The following KCND2 variants were observed in gnomAD, a reference collection of about 807,000 sequenced individuals.
KCND2 encodes the protein A-type voltage-gated potassium channel KCND2.
Under a neutral mutation model 54.4 loss-of-function variants are expected in KCND2, and 16 were observed. The ratio of observed to expected loss-of-function variants is 0.29; its 90% CI spans 0.20 to 0.45. The LOEUF (loss-of-function observed/expected upper bound fraction) is 0.45, where lower values mean the gene tolerates loss of function less well. KCND2 is among the 20% of genes least tolerant of loss of function. KCND2 has a pLI of 1.00. For missense variants in KCND2, 486 were observed against 824.2 expected (o/e 0.59, Z 5.02); for synonymous variants, 317 against 310.7 (o/e 1.02, Z -0.21).
intron 2 of KCND2, among the ~76,000 whole-genome samples, chr7:120,738,067 C>A (rs765485047): frequency 6.6e-6 from 1 of 151,894 alleles, no homozygotes; most frequent in Non-Finnish European, 1.5e-5. Context: ...TGTCACTTGG[C>A]GTAATTAAAA....
At chr7:120,468,206 C>T (rs1802406751) in intron 1 of KCND2, among the ~76,000 whole-genome samples, 1 of 152,004 alleles carries the variant, frequency 6.6e-6, no homozygotes, top group Admixed American at 6.6e-5. Context: ...AGACTTTTCT[C>T]TTTGTTTTCC....
chr7:120,699,264 AGAGT>A lies in KCND2; in HGVS notation c.1116-33635_1116-33632del, dbSNP rs1792370930. ...GCCACTGCACTCCAGCCTGGGCAAC[AGAGT>A]GAGACTCCATCTCAAAAAAAAAAAA... On this transcript the variant is annotated intron_variant, in intron 1 of 5. Coordinates refer to ENST00000331113, the MANE Select transcript of KCND2 (RefSeq NM_012281.3). Among the ~76,000 whole-genome samples, 3 of 150,814 alleles carry A rather than the reference AGAGT, an allele frequency of 2.0e-5. No homozygotes were observed. In the South Asian group the frequency reaches 6.3e-4, roughly 32 times the overall value.
At chr7:120,672,519 C>T (rs145458333) in intron 1 of KCND2, among the ~76,000 whole-genome samples, 2 of 152,182 alleles carry the variant, frequency 1.3e-5, no homozygotes, top group African/African-American at 4.8e-5. Context: ...AAGTAGATAG[C>T]TCTGTTAAGT....
chr7:120,737,064 A>T (rs1792880501), intron 2 of KCND2, among the ~76,000 whole-genome samples: 1 of 144,018 alleles, frequency 6.9e-6, no homozygotes, highest in Non-Finnish European at 1.5e-5. Context: ...ACACACACAC[A>T]CACACACACA....
chr7:120,540,571 T>A (rs973998391), intron 1 of KCND2, among the ~76,000 whole-genome samples: 1 of 152,188 alleles, frequency 6.6e-6, no homozygotes, highest in African/African-American at 2.4e-5. Flanking sequence ...GACATTTGAA[T>A]GATGCCAAAA....
chr7:120,437,803 A>G (rs957073840), intron 1 of KCND2, among the ~76,000 whole-genome samples: 3 of 152,254 alleles, frequency 2.0e-5, no homozygotes, highest in African/African-American at 7.2e-5. Context: ...AAACATCAGC[A>G]TCACAACAGA....
intron 1 of KCND2, among the ~76,000 whole-genome samples, chr7:120,585,509 G>T (rs1792585846): frequency 6.6e-6 from 1 of 152,114 alleles, no homozygotes; most frequent in Non-Finnish European, 1.5e-5. Flanking sequence ...TATGGTGCTT[G>T]GACATAGTAG....
chr7:120,487,261 A>T (rs2116292126), intron 1 of KCND2, among the ~76,000 whole-genome samples: 1 of 152,332 alleles, frequency 6.6e-6, no homozygotes, highest in African/African-American at 2.4e-5. Context: ...GGATACCCTT[A>T]ATATTAGGAC....
chr7:120,730,832 A>G (rs1192354358), intron 1 of KCND2, among the ~76,000 whole-genome samples: 1 of 152,146 alleles, frequency 6.6e-6, no homozygotes, highest in Non-Finnish European at 1.5e-5. Flanking sequence ...TGACACACAT[A>G]TGTTTTCCCA....
chr7:120,278,777 CT>C (rs1231494197), intron 1 of KCND2, among the ~76,000 whole-genome samples: 2 of 151,446 alleles, frequency 1.3e-5, no homozygotes, highest in East Asian at 3.9e-4. Context: ...AAAATGAACG[CT>C]TTAAAAATAG....
chr7:120,577,795 C>T (rs907611170), intron 1 of KCND2, among the ~76,000 whole-genome samples: 2 of 152,196 alleles, frequency 1.3e-5, no homozygotes, highest in Admixed American at 1.3e-4. Context: ...CCGTGTTAGC[C>T]AGGATGGTCT....
At chr7:120,674,196 G>A (rs1348965417) in intron 1 of KCND2, among the ~76,000 whole-genome samples, 3 of 151,982 alleles carry the variant, frequency 2.0e-5, no homozygotes, top group African/African-American at 4.8e-5. Flanking sequence ...GAGCCACTAC[G>A]CCCAGCCACC....
chr7:120,424,818 GT>G (rs974732811), intron 1 of KCND2, among the ~76,000 whole-genome samples: 1 of 152,166 alleles, frequency 6.6e-6, no homozygotes, highest in African/African-American at 2.4e-5. Context: ...GTGAAGTCAA[GT>G]TTAGTCTACC....
intron 1 of KCND2, among the ~76,000 whole-genome samples, chr7:120,494,609 T>A (rs1281406137): frequency 6.6e-6 from 1 of 152,152 alleles, no homozygotes; most frequent in Non-Finnish European, 1.5e-5. Context: ...CTTTAAACAA[T>A]TCTAAAAATA....
chr7:120,739,076 G>A (rs963232122), intron 2 of KCND2, among the ~76,000 whole-genome samples: 17 of 152,186 alleles, frequency 1.1e-4, no homozygotes, highest in African/African-American at 4.1e-4. Flanking sequence ...TACTTCTGCA[G>A]TAGTGTTTGC....
chr7:120,399,250 G>A (rs112921048), intron 1 of KCND2, among the ~76,000 whole-genome samples: 64 of 151,778 alleles, frequency 4.2e-4, no homozygotes, highest in African/African-American at 1.5e-3. Context: ...ATTTGGCTCA[G>A]TGATAACTAT....
intron 1 of KCND2, among the ~76,000 whole-genome samples, chr7:120,543,292 G>T (rs1172135127): frequency 6.6e-6 from 1 of 151,134 alleles, no homozygotes; most frequent in African/African-American, 2.4e-5. Context: ...GACCTCCAGG[G>T]TTTCCTCATT....
intron 1 of KCND2, among the ~76,000 whole-genome samples, chr7:120,530,779 A>T (rs1169852112): frequency 6.6e-6 from 1 of 152,120 alleles, no homozygotes; most frequent in Non-Finnish European, 1.5e-5. Flanking sequence ...GAATAATATC[A>T]ACCATTATTC....
At chr7:120,538,382 T>C (rs924256341) in intron 1 of KCND2, among the ~76,000 whole-genome samples, 34 of 152,138 alleles carry the variant, frequency 2.2e-4, no homozygotes, top group Admixed American at 5.9e-4. Context: ...ATTTTAAAAT[T>C]TATAATGTCA....
Sources: gnomAD v4.1 joint callset for allele counts (sites outside exome capture counted in the v4.1 genomes callset) on GRCh38, gnomAD v4.1.1 for gene constraint, MANE v1.5 for transcripts, NCBI Gene and HGNC (gene_info 2026-07-23, HGNC 2026-07-21) for gene names.